The following ALDH3B1 variants were observed in gnomAD, a reference collection of about 807,000 sequenced individuals.
The protein encoded by ALDH3B1 is aldehyde dehydrogenase family 3 member B1.
ALDH3B1 carries 37 observed loss-of-function variants against 46.2 expected under a neutral mutation model. The ratio of observed to expected loss-of-function variants is 0.80; its 90% CI spans 0.62 to 1.05. The LOEUF is 1.05. Among genes scored for constraint, ALDH3B1 ranks in the 50% least tolerant of loss-of-function variants. The pLI, the probability that ALDH3B1 is intolerant of heterozygous loss-of-function variation, is 0.00. For missense variants in ALDH3B1, 603 were observed against 665.5 expected, an observed-to-expected ratio of 0.91 and a Z score of 1.03; for synonymous variants, 283 against 281.0, an observed-to-expected ratio of 1.01 and a Z score of -0.07.
rs1403663347 is a variant in ALDH3B1 at position 68,015,192 on chromosome 11, G to A, written c.-1-105G>A. The A allele has an allele frequency of 1.1e-5, 14 of 1,252,906 alleles. No individual in the cohort carries two copies. In the Admixed American group the frequency reaches 2.0e-4, roughly 18 times the overall value. The allele number at this position is 1,252,906 out of a possible 1,614,324, so 77.6% of individuals were successfully genotyped here. A position where few individuals can be genotyped will look rare whatever the true frequency, so the allele number is the denominator to read the frequency against. The stretch of plus-strand genomic sequence containing the variant: ...AAGGTAGAGGTGTCTGCAAGCCCCT[G>A]TGGGTGCAGGCAGGTCAGGGGTGCC... On this transcript the variant is annotated intron_variant, in intron 1 of 9. Coordinates refer to ENST00000342456, the MANE Select transcript of ALDH3B1 (RefSeq NM_000694.4).
chr11:68,013,795 A>G (rs1000724452), intron 1 of ALDH3B1, among the ~76,000 whole-genome samples: 2 of 152,228 alleles, frequency 1.3e-5, no homozygotes, highest in Non-Finnish European at 2.9e-5. Context: ...CCTGGGTCTC[A>G]GTCCTGCTCC....
intron 9 of ALDH3B1, among the ~76,000 whole-genome samples, chr11:68,027,211 T>A (rs1343386033): frequency 6.6e-6 from 1 of 152,086 alleles, no homozygotes; most frequent in Non-Finnish European, 1.5e-5. Context: ...TCTTATTAAC[T>A]GCATATCCTT....
chr11:68,027,989 G>T lies in ALDH3B1; in HGVS notation c.*50G>T, dbSNP rs142085281. Reference sequence around the variant, plus strand: ...GACCACCATGACAGCTGTCGCCTGCGGCTGGTGGAGACGGGGCCTGGGCTC... The same window carrying T: ...GACCACCATGACAGCTGTCGCCTGCTGCTGGTGGAGACGGGGCCTGGGCTC... On this transcript the variant is annotated 3_prime_UTR_variant, in exon 10 of 10. Transcript: ENST00000342456. 1 of 1,561,334 alleles carries T rather than the reference G, an allele frequency of 6.4e-7. No homozygotes were observed. The highest frequency in any genetic ancestry group is 1.8e-5 in the Admixed American group (1 of 54,452).
In ALDH3B1 at chr11:68,019,783, C is replaced by T. The variant is rs537955546; in HGVS notation, c.549C>T (p.Tyr183=). 21 of 1,614,132 alleles carry T rather than the reference C, an allele frequency of 1.3e-5. No homozygotes were observed. The South Asian group carries it at 1.9e-4, about 14-fold the overall frequency. The part of the protein sequence containing the change: ...TGQLLEHRFD[Y]IFFTGSPRVG... ...AGCTGCTAGAGCACAGGTTCGACTA[C>T]ATCTTCTTCACAGGTGAGGCCGGGA... Residue 183 remains tyrosine, a synonymous_variant, in exon 6 of 10, where the codon TAC becomes TAT. Transcript: ENST00000342456.
chr11:68,022,363 G>A (rs1276747749), intron 7 of ALDH3B1, among the ~76,000 whole-genome samples: 1 of 152,218 alleles, frequency 6.6e-6, no homozygotes, highest in Non-Finnish European at 1.5e-5. Flanking sequence ...AAGGTCGGGG[G>A]ATTCTCTGTG....
intron 1 of ALDH3B1, 72 bp from the exon 2 acceptor site, chr11:68,015,225 T>C: frequency 3.5e-6 from 5 of 1,430,268 alleles, no homozygotes; most frequent in South Asian, 1.5e-5. Flanking sequence ...GCCCAGACCC[T>C]GGGGCGGCTG....
At chr11:68,014,303 C>G (rs527707203) in intron 1 of ALDH3B1, among the ~76,000 whole-genome samples, 1 of 152,058 alleles carries the variant, frequency 6.6e-6, no homozygotes, top group South Asian at 2.1e-4. Context: ...AGTCAAGGGG[C>G]CACTGTGACA....
At chr11:68,009,189 T>C (rs1359348076), upstream of ALDH3B1, among the ~76,000 whole-genome samples, 1 of 152,100 alleles carries the variant, frequency 6.6e-6, no homozygotes, top group East Asian at 1.9e-4. Context: ...TGCCCCCACT[T>C]CCTCGTTTGT....
In ALDH3B1 at chr11:68,028,317, T is replaced by C. The variant is rs542642099; in HGVS notation, c.*378T>C. 1.5e-4 allele frequency: 59 copies of C among 395,184 alleles called. No homozygotes were observed. Among genetic ancestry groups the C allele is most frequent in the African/African-American group, 1.2e-3 (57 of 48,502 alleles). The allele number at this position is 395,184 out of a possible 1,614,324, so 24.5% of individuals were successfully genotyped here. On this transcript the variant is annotated 3_prime_UTR_variant, in exon 10 of 10. Transcript: ENST00000342456. Reference sequence around the variant, plus strand: ...CAGGCCACACCATGGAATCACTGCATCCAAGGCCATTCCTGCCCTCTCTGA... The same window carrying C: ...CAGGCCACACCATGGAATCACTGCACCCAAGGCCATTCCTGCCCTCTCTGA...
intron 2 of ALDH3B1, 150 bp downstream of exon 2, chr11:68,015,609 C>A (rs1183468234): frequency 2.1e-6 from 2 of 971,590 alleles, no homozygotes; most frequent in African/African-American, 1.6e-5. Flanking sequence ...CTTGCACATT[C>A]ATCCAGTCAC....
At chr11:68,016,160 G>A (rs1857347235) in intron 2 of ALDH3B1, 4 of 154,782 alleles carry the variant, frequency 2.6e-5, no homozygotes, top group Admixed American at 2.6e-4. Flanking sequence ...AGGGGGCCAG[G>A]ATCAGGGTGC....
chr11:68,025,574 CTCTG>C (rs760464076), intron 8 of ALDH3B1, among the ~76,000 whole-genome samples: 27 of 152,132 alleles, frequency 1.8e-4, no homozygotes, highest in Admixed American at 3.9e-4. Context: ...TCAGCCTCCA[CTCTG>C]TCTGCAGTGC....
rs747575974 is a variant in ALDH3B1, at chr11:68,028,101, C to T, written c.*162C>T. The T allele has an allele frequency of 2.0e-6, 2 of 981,516 alleles. No individual in the cohort carries two copies. Among genetic ancestry groups the T allele is most frequent in the Non-Finnish European group, 3.2e-6 (2 of 618,002 alleles). 60.8% of individuals were successfully genotyped at this position (981,516 alleles called of 1,614,324 possible). ...CTCCTCCCTCCTGGGTCTTCCCTCTCCCTGCCTCAGCCTCCTCCCTCAGCC... is the reference window on the plus strand; with the variant it reads ...CTCCTCCCTCCTGGGTCTTCCCTCTTCCTGCCTCAGCCTCCTCCCTCAGCC... On this transcript the variant is annotated 3_prime_UTR_variant, in exon 10 of 10. Transcript: ENST00000342456.
chr11:68,008,866 T>TGTCCC (rs1219749281), upstream of ALDH3B1, among the ~76,000 whole-genome samples: 1 of 152,168 alleles, frequency 6.6e-6, no homozygotes, highest in Non-Finnish European at 1.5e-5. Flanking sequence ...CCTGTCACCC[T>TGTCCC]GTCCCCTGCC....
upstream of ALDH3B1, among the ~76,000 whole-genome samples, chr11:68,008,910 C>T (rs1464805846): frequency 6.6e-6 from 1 of 152,226 alleles, no homozygotes; most frequent in Non-Finnish European, 1.5e-5. Context: ...ACATCATCCC[C>T]ACAGCACGCT....
At chr11:68,023,868 C>G (rs529936763) in intron 8 of ALDH3B1, among the ~76,000 whole-genome samples, 65 of 151,936 alleles carry the variant, frequency 4.3e-4, no homozygotes, top group African/African-American at 1.6e-3. Context: ...ATAGCAAAAC[C>G]CCGTCTCTAT....
upstream of ALDH3B1, among the ~76,000 whole-genome samples, chr11:68,009,963 TAG>T (rs1314007013): frequency 6.6e-6 from 1 of 152,122 alleles, no homozygotes; most frequent in African/African-American, 2.4e-5. Context: ...AATATTATAA[TAG>T]AATATAATTA....
In ALDH3B1 at chr11:68,028,002, G is replaced by A. The variant is rs563096242; in HGVS notation, c.*63G>A. On this transcript the variant is annotated 3_prime_UTR_variant, in exon 10 of 10. Coordinates refer to ENST00000342456, the MANE Select transcript of ALDH3B1 (RefSeq NM_000694.4). Reference sequence around the variant, plus strand: ...GCTGTCGCCTGCGGCTGGTGGAGACGGGGCCTGGGCTCCCGGGCCCGAGGA... The same window carrying A: ...GCTGTCGCCTGCGGCTGGTGGAGACAGGGCCTGGGCTCCCGGGCCCGAGGA... 4.3e-4 allele frequency: 678 copies of A among 1,561,816 alleles called. 8 individuals are homozygous for A. In the South Asian group the frequency reaches 4.5e-3, roughly 10 times the overall value.
chr11:68,016,843 T>G (rs1857362334), intron 2 of ALDH3B1: 1 of 152,268 alleles, frequency 6.6e-6, no homozygotes, highest in East Asian at 1.9e-4. Context: ...ACCTGACGTC[T>G]GTCTGGTCCC....
Sources: gnomAD v4.1 joint callset for allele counts (sites outside exome capture counted in the v4.1 genomes callset) on GRCh38, gnomAD v4.1.1 for gene constraint, MANE v1.5 for transcripts, NCBI Gene and HGNC (gene_info 2026-07-23, HGNC 2026-07-21) for gene names.